RB1CC1: variants seen among roughly 807,000 people sequenced by gnomAD.
RB1CC1 encodes RB1-inducible coiled-coil protein 1.
In RB1CC1, 46 loss-of-function variants were observed where a neutral mutation model predicts 177.5. That is an observed-to-expected ratio of 0.26 (90% CI 0.20 to 0.33). The LOEUF (loss-of-function observed/expected upper bound fraction) is 0.33. Among genes scored for constraint, RB1CC1 ranks in the 10% least tolerant of loss-of-function variants. The pLI is 1.00. For synonymous variants in RB1CC1, 666 were observed against 613.6 expected (o/e 1.09, Z -1.26); for missense variants, 1,703 against 1,816.3 (o/e 0.94, Z 1.13).
chr8:52,710,141 C>A (rs1172617332), intron 1 of RB1CC1, among the ~76,000 whole-genome samples: 1 of 152,218 alleles, frequency 6.6e-6, no homozygotes, highest in Non-Finnish European at 1.5e-5. Context: ...GGACTGAAAA[C>A]TGGGCATCAG....
At chr8:52,626,352 G>C (rs1848388359) in intron 22 of RB1CC1, among the ~76,000 whole-genome samples, 1 of 152,128 alleles carries the variant, frequency 6.6e-6, no homozygotes, top group African/African-American at 2.4e-5. Flanking sequence ...GTTTTTTAAT[G>C]TTTCCCAGAT....
At chr8:52,685,573 A>G in intron 2 of RB1CC1, 53 bp from the exon 3 acceptor site, 1 of 659,512 alleles carries the variant, frequency 1.5e-6, no homozygotes, top group Non-Finnish European at 2.6e-6. Context: ...ACAATCACAA[A>G]TACTATCATC....
At chr8:52,630,014 T>C (rs1314738673) in intron 21 of RB1CC1, among the ~76,000 whole-genome samples, 1 of 152,184 alleles carries the variant, frequency 6.6e-6, no homozygotes, top group East Asian at 1.9e-4. Flanking sequence ...TCAGAATAAA[T>C]ATCTTCAAAT....
At chr8:52,700,468 G>A (rs1052034719) in intron 1 of RB1CC1, among the ~76,000 whole-genome samples, 1 of 152,156 alleles carries the variant, frequency 6.6e-6, no homozygotes, top group Non-Finnish European at 1.5e-5. Flanking sequence ...CTGGGAGGTT[G>A]AGGCTGCAGC....
intron 18 of RB1CC1, among the ~76,000 whole-genome samples, chr8:52,638,198 TG>T (rs1275151892): frequency 6.6e-6 from 1 of 152,208 alleles, no homozygotes; most frequent in Non-Finnish European, 1.5e-5. Context: ...GAAAGGCTGT[TG>T]GGTTTTGTCA....
rs563417169 is a variant in RB1CC1 at position 52,668,316 on chromosome 8, G to A, written c.1003-125C>T. 2.2e-4 allele frequency: 241 copies of A among 1,088,212 alleles called. 1 individual carries two copies. Among genetic ancestry groups the A allele is most frequent in the Middle Eastern group, 3.1e-4 (1 of 3,256 alleles). The allele number at this position is 1,088,212 out of a possible 1,614,324, so 67.4% of individuals were successfully genotyped here. A position where few individuals can be genotyped will look rare whatever the true frequency, so the allele number is the denominator to read the frequency against. Reference sequence around the variant, plus strand: ...AAAAGATATAAAAAAGCAAAAGCATGGGAACTCTAAGTTATACTTTCATAA... The same window carrying A: ...AAAAGATATAAAAAAGCAAAAGCATAGGAACTCTAAGTTATACTTTCATAA... On this transcript the variant is annotated intron_variant, in intron 7 of 23. Coordinates refer to ENST00000025008, the MANE Select transcript of RB1CC1 (RefSeq NM_014781.5).
intron 16 of RB1CC1, among the ~76,000 whole-genome samples, chr8:52,644,291 AG>A (rs1387752839): frequency 1.3e-5 from 2 of 152,198 alleles, no homozygotes; most frequent in Non-Finnish European, 2.9e-5. Flanking sequence ...GTACCTTAGA[AG>A]TCATTTCTCC....
chr8:52,653,399 G>A (rs1179734038), intron 15 of RB1CC1, among the ~76,000 whole-genome samples: 1 of 152,114 alleles, frequency 6.6e-6, no homozygotes, highest in Non-Finnish European at 1.5e-5. Flanking sequence ...GTAATTAGAA[G>A]GTTTTGACCC....
intron 7 of RB1CC1, among the ~76,000 whole-genome samples, chr8:52,669,993 G>T (rs1354925012): frequency 6.6e-6 from 1 of 152,144 alleles, no homozygotes; most frequent in Non-Finnish European, 1.5e-5. Context: ...TGGCTCTGTT[G>T]CCCAAGATAG....
chr8:52,634,686 G>A (rs565563722), intron 20 of RB1CC1, among the ~76,000 whole-genome samples: 1 of 152,216 alleles, frequency 6.6e-6, no homozygotes, highest in Admixed American at 6.5e-5. Context: ...AATTCGCCAA[G>A]ACATTATTTA....
At chr8:52,663,812 C>T (rs1851831150) in intron 8 of RB1CC1, among the ~76,000 whole-genome samples, 1 of 152,120 alleles carries the variant, frequency 6.6e-6, no homozygotes, top group Non-Finnish European at 1.5e-5. Flanking sequence ...TCCAAATTCT[C>T]ATTTTATTAA....
intron 1 of RB1CC1, among the ~76,000 whole-genome samples, chr8:52,710,244 T>C (rs1271850049): frequency 6.6e-6 from 1 of 152,172 alleles, no homozygotes; most frequent in African/African-American, 2.4e-5. Context: ...TTTCCTCACA[T>C]TTCCCTGAAA....
intron 20 of RB1CC1, among the ~76,000 whole-genome samples, chr8:52,634,323 G>A (rs111544146): frequency 1.7e-4 from 26 of 152,216 alleles, no homozygotes; most frequent in East Asian, 7.7e-4. Flanking sequence ...AGGGGTTTGA[G>A]ACCAGCCTGT....
intron 16 of RB1CC1, 106 bp downstream of exon 16, chr8:52,645,596 T>G: frequency 8.7e-7 from 1 of 1,147,904 alleles, no homozygotes; most frequent in Non-Finnish European, 1.2e-6. Flanking sequence ...GTAAGGAACA[T>G]CACATCTAAG....
chr8:52,696,023 A>G (rs1047077591), intron 1 of RB1CC1, among the ~76,000 whole-genome samples: 2 of 152,148 alleles, frequency 1.3e-5, no homozygotes, highest in Non-Finnish European at 2.9e-5. Context: ...AGAGTTGGCT[A>G]ACCTCATTAC....
In RB1CC1 at chr8:52,642,504, C is replaced by T. The variant is rs1235809517; in HGVS notation, c.4184G>A (p.Ser1395Asn). 6.2e-7 allele frequency: 1 copy of T among 1,614,040 alleles called. No homozygotes were observed. Among genetic ancestry groups the T allele is most frequent in the Non-Finnish European group, 8.5e-7 (1 of 1,179,966 alleles). Residue 1395 changes from serine to asparagine, a missense_variant, in exon 18 of 24, where the codon AGC becomes AAC. Coordinates refer to ENST00000025008, the MANE Select transcript of RB1CC1 (RefSeq NM_014781.5). ...TACATATGGTGAAGGAACAAAACTG[C>T]TACTACGCAACTTACTGACTTCTTC... ...LEEEVSKLRS[S>N]SFVPSPYVAT...
chr8:52,689,816 C>T (rs1274294282), intron 1 of RB1CC1, among the ~76,000 whole-genome samples: 1 of 152,100 alleles, frequency 6.6e-6, no homozygotes, highest in Non-Finnish European at 1.5e-5. Context: ...GCCCTAGCCT[C>T]ATACACATCT....
chr8:52,704,194 C>G (rs1242830491), intron 1 of RB1CC1, among the ~76,000 whole-genome samples: 1 of 152,088 alleles, frequency 6.6e-6, no homozygotes, highest in African/African-American at 2.4e-5. Context: ...TTCTCTGAAT[C>G]TCAGTTTCGT....
At position 52,652,232 on chromosome 8, in the gene RB1CC1, C is replaced by T. The variant is rs181204588; in HGVS notation, c.3821+3776G>A. The stretch of plus-strand genomic sequence containing the variant: ...CCTGTAATCCCAGCACTTGGGAGGC[C>T]GAGGTGGGCAGATCACAAGGTCAGG... On this transcript the variant is annotated intron_variant, in intron 15 of 23. Coordinates refer to ENST00000025008, the MANE Select transcript of RB1CC1 (RefSeq NM_014781.5). 2.8e-3 allele frequency among the ~76,000 whole-genome samples: 427 copies of T among 151,976 alleles called. 14 individuals carry two copies. Among genetic ancestry groups the T allele is most frequent in the Admixed American group, 0.026 (392 of 15,276 alleles).
Sources: allele counts gnomAD v4.1 joint callset (sites outside exome capture counted in the v4.1 genomes callset), GRCh38; gene constraint gnomAD v4.1.1; transcripts MANE v1.5; gene names NCBI Gene and HGNC (gene_info 2026-07-23, HGNC 2026-07-21).